Variants in PRKAR1A observed in about 807,000 individuals in gnomAD.
The protein encoded by PRKAR1A is protein kinase cAMP-dependent type I regulatory subunit alpha.
Under a neutral mutation model 52.0 loss-of-function variants are expected in PRKAR1A, and 3 were observed. The ratio of observed to expected loss-of-function variants is 0.06; its 90% CI spans 0.03 to 0.15. PRKAR1A has a LOEUF of 0.15. Ranked by LOEUF, PRKAR1A falls within the 10% of genes least tolerant of loss-of-function variation. The pLI is 1.00. For synonymous variants in PRKAR1A, 188 were observed against 168.4 expected, an observed-to-expected ratio of 1.12 and a Z score of -0.90; for missense variants, 240 against 477.4, an observed-to-expected ratio of 0.50 and a Z score of 4.63.
chr17:68,436,558 G>T, the PRKAR1A span: 1 of 1,351,844 alleles, frequency 7.4e-7, no homozygotes, highest in Non-Finnish European at 1.0e-6. Context: ...TCTGAAAACA[G>T]TACAGCTACA....
chr17:68,473,723 A>G, the PRKAR1A span, among the ~76,000 whole-genome samples: 3 of 152,242 alleles, frequency 2.0e-5, no homozygotes, highest in South Asian at 4.1e-4. Flanking sequence ...GGGTTTAACC[A>G]TATTGGCCAG....
the PRKAR1A span, among the ~76,000 whole-genome samples, chr17:68,469,973 T>C: frequency 6.6e-6 from 1 of 152,202 alleles, no homozygotes; most frequent in African/African-American, 2.4e-5. Flanking sequence ...GCTGAATTCT[T>C]ATATCTGCTT....
At chr17:68,417,470 C>T in the PRKAR1A span, among the ~76,000 whole-genome samples, 6 of 152,160 alleles carry the variant, frequency 3.9e-5, no homozygotes, top group African/African-American at 9.6e-5. Flanking sequence ...TTGGGTGCCG[C>T]GGTGGGGGGT....
chr17:68,432,697 G>C, the PRKAR1A span, among the ~76,000 whole-genome samples: 1 of 152,262 alleles, frequency 6.6e-6, no homozygotes, highest in East Asian at 1.9e-4. Flanking sequence ...CTCCATCCAA[G>C]GGTACCAGCA....
chr17:68,522,123 C>T (rs1423773621), intron 2 of PRKAR1A, among the ~76,000 whole-genome samples: 1 of 152,166 alleles, frequency 6.6e-6, no homozygotes, highest in Non-Finnish European at 1.5e-5. Flanking sequence ...TCGTGGTTAC[C>T]ATCACATCAT....
intron 5 of PRKAR1A, 154 bp downstream of exon 5, chr17:68,524,231 T>C: frequency 1.4e-6 from 1 of 706,934 alleles, no homozygotes; most frequent in South Asian, 1.8e-5. Context: ...TCTTTTAAAT[T>C]AAGATTTTCT....
In PRKAR1A at chr17:68,531,854, G is replaced by C; in HGVS notation, c.*1405G>C. 9.6e-7 allele frequency: 1 copy of C among 1,036,620 alleles called. No individual in the cohort carries two copies. Among genetic ancestry groups the C allele is most frequent in the East Asian group, 5.0e-5 (1 of 19,888 alleles). 64.2% of individuals were successfully genotyped at this position (1,036,620 alleles called of 1,614,324 possible). ...AAACAAAATTTCACAGTTCTGTAAT[G>C]TAGGCACTTTTATTTTCATTGTGAT... On this transcript the variant is annotated 3_prime_UTR_variant, in exon 11 of 11. Coordinates refer to ENST00000589228, the MANE Select transcript of PRKAR1A (RefSeq NM_002734.5).
intron 7 of PRKAR1A, among the ~76,000 whole-genome samples, chr17:68,526,519 C>G (rs2085795987): frequency 6.6e-6 from 1 of 152,166 alleles, no homozygotes. Flanking sequence ...CAGTGTCCAT[C>G]TGACCATTTG....
the PRKAR1A span, chr17:68,420,497 T>C: frequency 6.3e-7 from 1 of 1,593,802 alleles, no homozygotes; most frequent in Admixed American, 1.7e-5. Flanking sequence ...GAGGAGTACC[T>C]GGAAATTAGG....
the PRKAR1A span, chr17:68,426,242 T>TTG: frequency 2.6e-4 from 179 of 682,762 alleles, 2 homozygotes; most frequent in Non-Finnish European, 3.3e-4. Flanking sequence ...ACCTGGCGGG[T>TTG]GGGGAGCGGG....
intron 10 of PRKAR1A, 61 bp downstream of exon 10, chr17:68,530,062 A>G (rs370392939): frequency 6.4e-7 from 1 of 1,561,166 alleles, no homozygotes; most frequent in African/African-American, 1.4e-5. Context: ...TCAGTGAGAT[A>G]TTGTAGTCTT....
the PRKAR1A span, among the ~76,000 whole-genome samples, chr17:68,435,302 G>A: frequency 6.6e-6 from 1 of 152,096 alleles, no homozygotes; most frequent in Admixed American, 6.5e-5. Flanking sequence ...CATTTGGTTT[G>A]CACTGTACTG....
At chr17:68,427,556 CA>C in the PRKAR1A span, 7 of 214,988 alleles carry the variant, frequency 3.3e-5, no homozygotes, top group Non-Finnish European at 6.6e-5. Context: ...TGGGTTTCAC[CA>C]TGTTGGCCAG....
At chr17:68,455,306 C>CT in the PRKAR1A span, among the ~76,000 whole-genome samples, 1 of 147,032 alleles carries the variant, frequency 6.8e-6, no homozygotes, top group Non-Finnish European at 1.5e-5. Flanking sequence ...AGAGGCTGCA[C>CT]TGAGCCAAGA....
chr17:68,464,625 G>A, the PRKAR1A span, among the ~76,000 whole-genome samples: 20 of 151,278 alleles, frequency 1.3e-4, no homozygotes, highest in Non-Finnish European at 2.6e-4. Context: ...AGGTTGCAGT[G>A]AGCCGAGATC....
chr17:68,541,869 C>T, intron 11 of PRKAR1A: 3 of 1,241,934 alleles, frequency 2.4e-6, no homozygotes, highest in East Asian at 4.7e-5. Flanking sequence ...TGAAATGGGG[C>T]AAAGGAGTAT....
chr17:68,459,285 T>C, the PRKAR1A span, among the ~76,000 whole-genome samples: 1 of 152,256 alleles, frequency 6.6e-6, no homozygotes, highest in South Asian at 2.1e-4. Context: ...ATTTCTGTCC[T>C]GGTTAGAAAA....
rs1568706733 is a variant in PRKAR1A at position 68,531,783 on chromosome 17, T to TA, written c.*1335dup. The TA allele has an allele frequency of 9.6e-7, 1 of 1,038,512 alleles. No individual in the cohort carries two copies. The highest frequency in any genetic ancestry group is 1.2e-6 in the Non-Finnish European group (1 of 854,398). 64.3% of individuals were successfully genotyped at this position (1,038,512 alleles called of 1,614,324 possible). A position where few individuals can be genotyped will look rare whatever the true frequency, so the allele number is the denominator to read the frequency against. The stretch of plus-strand genomic sequence containing the variant: ...TTCAGTATTTTCCAGCCTTATGTGT[T>TA]ACATTATTCCAATGATACCCAACAG... On this transcript the variant is annotated 3_prime_UTR_variant, in exon 11 of 11. Transcript: ENST00000589228.
chr17:68,519,726 C>T (rs572555570), intron 2 of PRKAR1A, among the ~76,000 whole-genome samples: 2 of 152,270 alleles, frequency 1.3e-5, no homozygotes, highest in East Asian at 3.9e-4. Context: ...CATTTTAATT[C>T]AGTCATCTGG....
Sources: gnomAD v4.1 joint callset for allele counts (sites outside exome capture counted in the v4.1 genomes callset) on GRCh38, gnomAD v4.1.1 for gene constraint, MANE v1.5 for transcripts, NCBI Gene and HGNC (gene_info 2026-07-23, HGNC 2026-07-21) for gene names.